SH3GL2: variants seen among roughly 807,000 people sequenced by gnomAD.
The protein encoded by SH3GL2 is SH3 domain containing GRB2 like 2, endophilin A1.
A neutral mutation model predicts 46.0 loss-of-function variants in SH3GL2; 24 were observed. That is an observed-to-expected ratio of 0.52 (90% CI 0.38 to 0.73). SH3GL2 has a LOEUF of 0.73. Ranked by LOEUF, SH3GL2 falls within the 30% of genes least tolerant of loss-of-function variation. The pLI is 0.00. For missense variants in SH3GL2, 413 were observed against 424.2 expected, an observed-to-expected ratio of 0.97 and a Z score of 0.23; for synonymous variants, 196 against 147.1, an observed-to-expected ratio of 1.33 and a Z score of -2.40.
chr9:17,633,980 C>T (rs940956403), intron 1 of SH3GL2, among the ~76,000 whole-genome samples: 5 of 152,244 alleles, frequency 3.3e-5, no homozygotes, highest in Non-Finnish European at 7.3e-5. Context: ...GACCATGTCC[C>T]TCTTCCTGCT....
At chr9:17,610,926 C>G (rs1212640636) in intron 1 of SH3GL2, among the ~76,000 whole-genome samples, 2 of 152,040 alleles carry the variant, frequency 1.3e-5, no homozygotes, top group Non-Finnish European at 2.9e-5. Flanking sequence ...AAAATTAATA[C>G]AGTGAAAAAT....
intron 1 of SH3GL2, among the ~76,000 whole-genome samples, chr9:17,583,621 A>C (rs1415972377): frequency 6.6e-6 from 1 of 152,230 alleles, no homozygotes; most frequent in Non-Finnish European, 1.5e-5. Flanking sequence ...ACTAAGTCAG[A>C]AATATACCTA....
chr9:17,641,557 A>T (rs770222967), intron 1 of SH3GL2, among the ~76,000 whole-genome samples: 7 of 152,134 alleles, frequency 4.6e-5, no homozygotes, highest in Non-Finnish European at 8.8e-5. Context: ...CGTCATCTAC[A>T]TTAGGTATTT....
rs1309799197 is a variant in SH3GL2, at chr9:17,796,756, AC to A, written c.*1015del. The A allele has an allele frequency of 6.6e-6, 1 of 152,630 alleles. No individual in the cohort carries two copies. The highest frequency in any genetic ancestry group is 6.5e-5 in the Admixed American group (1 of 15,284). The allele number at this position is 152,630 out of a possible 1,614,324, so 9.5% of individuals were successfully genotyped here. On this transcript the variant is annotated 3_prime_UTR_variant, in exon 9 of 9. Transcript: ENST00000380607. ...TGTGCAGATTCTGCCCTCAATGAGG[AC>A]CAAATAAAGATGATTTTTGTGCTTA...
At chr9:17,677,600 G>A (rs1046116841) in intron 1 of SH3GL2, among the ~76,000 whole-genome samples, 7 of 149,770 alleles carry the variant, frequency 4.7e-5, no homozygotes, top group African/African-American at 1.5e-4. Flanking sequence ...TTGATCTACT[G>A]TTACCTACTG....
At chr9:17,656,952 GA>G (rs1030321234) in intron 1 of SH3GL2, among the ~76,000 whole-genome samples, 1 of 150,810 alleles carries the variant, frequency 6.6e-6, no homozygotes, top group Non-Finnish European at 1.5e-5. Flanking sequence ...ATGACTTTCA[GA>G]AAAAAAAATC....
intron 3 of SH3GL2, among the ~76,000 whole-genome samples, chr9:17,776,064 G>A (rs1440962029): frequency 2.0e-5 from 3 of 152,012 alleles, no homozygotes; most frequent in East Asian, 1.9e-4. Context: ...AATCATCTAG[G>A]GTGGGGAGAA....
At chr9:17,740,255 ACAT>A (rs1480387609) in intron 1 of SH3GL2, among the ~76,000 whole-genome samples, 1 of 152,142 alleles carries the variant, frequency 6.6e-6, no homozygotes, top group Admixed American at 6.6e-5. Flanking sequence ...CATTTTCAAA[ACAT>A]CATGGCATTT....
At chr9:17,746,971 A>T in intron 1 of SH3GL2, 95 bp from the exon 2 acceptor site, 1 of 776,626 alleles carries the variant, frequency 1.3e-6, no homozygotes, top group Non-Finnish European at 2.1e-6. Flanking sequence ...TTGTGAGATT[A>T]CATTAGATGA....
chr9:17,647,647 C>G (rs1324666790), intron 1 of SH3GL2, among the ~76,000 whole-genome samples: 2 of 152,140 alleles, frequency 1.3e-5, no homozygotes, highest in African/African-American at 2.4e-5. Flanking sequence ...CAGAATACTA[C>G]TATTACTTCT....
chr9:17,637,187 C>T (rs762658980), intron 1 of SH3GL2, among the ~76,000 whole-genome samples: 4 of 151,994 alleles, frequency 2.6e-5, no homozygotes, highest in Non-Finnish European at 4.4e-5. Context: ...GGTGAATTCA[C>T]GGTATGATGT....
At chr9:17,758,568 A>AAAAAAAAAAAAAAAAC (rs1823074875) in intron 2 of SH3GL2, among the ~76,000 whole-genome samples, 1 of 118,676 alleles carries the variant, frequency 8.4e-6, no homozygotes, top group Non-Finnish European at 1.6e-5. Context: ...TCTCAAAAAA[A>AAAAAAAAAAAAAAAAC]AAAAAAAAAA....
chr9:17,741,543 G>A (rs1488900615), intron 1 of SH3GL2, among the ~76,000 whole-genome samples: 1 of 152,120 alleles, frequency 6.6e-6, no homozygotes, highest in African/African-American at 2.4e-5. Context: ...TTTTGATAGA[G>A]TAAAAGATAT....
At chr9:17,637,191 A>G (rs1819561243) in intron 1 of SH3GL2, among the ~76,000 whole-genome samples, 1 of 152,212 alleles carries the variant, frequency 6.6e-6, no homozygotes, top group African/African-American at 2.4e-5. Context: ...AATTCACGGT[A>G]TGATGTATTT....
chr9:17,761,881 T>C (rs914222806), intron 3 of SH3GL2, among the ~76,000 whole-genome samples: 1 of 152,168 alleles, frequency 6.6e-6, no homozygotes, highest in Non-Finnish European at 1.5e-5. Flanking sequence ...TCCCAGAAGA[T>C]GTGAAAAAGT....
chr9:17,670,921 A>G (rs563212309), intron 1 of SH3GL2, among the ~76,000 whole-genome samples: 4 of 152,192 alleles, frequency 2.6e-5, no homozygotes, highest in Admixed American at 1.3e-4. Flanking sequence ...TTCACTAAGT[A>G]TGGGGTGGGG....
At chr9:17,615,195 G>C (rs1336792532) in intron 1 of SH3GL2, among the ~76,000 whole-genome samples, 1 of 152,214 alleles carries the variant, frequency 6.6e-6, no homozygotes, top group East Asian at 1.9e-4. Context: ...CCCCGTAGCA[G>C]GGTGAGATAT....
At chr9:17,650,259 G>T (rs1026589451) in intron 1 of SH3GL2, among the ~76,000 whole-genome samples, 8 of 152,224 alleles carry the variant, frequency 5.3e-5, no homozygotes, top group African/African-American at 1.9e-4. Context: ...TGATATCCTT[G>T]TAACAGTTTG....
intron 1 of SH3GL2, among the ~76,000 whole-genome samples, chr9:17,630,647 C>T (rs540353873): frequency 4.6e-5 from 7 of 152,282 alleles, no homozygotes; most frequent in Admixed American, 2.6e-4. Context: ...TACATAACAC[C>T]AGTGGGACCA....
Sources: allele counts gnomAD v4.1 joint callset (sites outside exome capture counted in the v4.1 genomes callset), GRCh38; gene constraint gnomAD v4.1.1; transcripts MANE v1.5; gene names NCBI Gene and HGNC (gene_info 2026-07-23, HGNC 2026-07-21).